The following MDN1 variants were observed in gnomAD, a reference collection of about 807,000 sequenced individuals.
The protein encoded by MDN1 is midasin AAA ATPase 1, also known as midasin.
In MDN1, 266 loss-of-function variants were observed where a neutral mutation model predicts 669.2. The ratio of observed to expected loss-of-function variants is 0.40; its 90% confidence interval spans 0.36 to 0.44. The LOEUF (loss-of-function observed/expected upper bound fraction) is 0.44, where lower values mean the gene tolerates loss of function less well. Ranked by LOEUF, MDN1 falls within the 20% of genes least tolerant of loss-of-function variation. The probability of loss-of-function intolerance (pLI) is 1.00; values close to 1 mark genes in which losing one functional copy is unlikely to be tolerated. For missense variants in MDN1, 5,940 were observed against 6,754.0 expected, an observed-to-expected ratio of 0.88 and a Z score of 4.22; for synonymous variants, 2,385 against 2,457.1, an observed-to-expected ratio of 0.97 and a Z score of 0.87.
At position 89,671,085 on chromosome 6, in the gene MDN1, G is replaced by C. The variant is rs1810719889; in HGVS notation, c.13795-5C>G. 6.2e-7 allele frequency: 1 copy of C among 1,612,962 alleles called. No homozygotes were observed. Among genetic ancestry groups the C allele is most frequent in the African/African-American group, 1.3e-5 (1 of 74,876 alleles). ...GGAACAGGATTGGCTGAAGAACTGA[G>C]ACCAAAACAAAACAAAAGGCCTGCT... On this transcript the variant is annotated splice_polypyrimidine_tract_variant and splice_region_variant and intron_variant, in intron 82 of 101. Transcript: ENST00000369393.
intron 6 of MDN1, 37 bp from the exon 7 acceptor site, chr6:89,789,948 T>C (rs1363604451): frequency 6.2e-7 from 1 of 1,604,224 alleles, no homozygotes; most frequent in Admixed American, 1.7e-5. Context: ...TGAAAAACCA[T>C]ACCTGTAGTG....
chr6:89,666,011 A>T (rs1402178373), intron 84 of MDN1, among the ~76,000 whole-genome samples: 1 of 152,216 alleles, frequency 6.6e-6, no homozygotes, highest in Non-Finnish European at 1.5e-5. Flanking sequence ...ACTGCACTCC[A>T]GCCTTGGGGA....
intron 52 of MDN1, among the ~76,000 whole-genome samples, chr6:89,707,099 C>CA (rs1218970463): frequency 6.6e-6 from 1 of 152,170 alleles, no homozygotes; most frequent in Non-Finnish European, 1.5e-5. Flanking sequence ...TCACTAACAA[C>CA]ATGGGGACCT....
At chr6:89,798,239 C>A (rs926313774) in intron 2 of MDN1, among the ~76,000 whole-genome samples, 2 of 150,530 alleles carry the variant, frequency 1.3e-5, no homozygotes, top group Non-Finnish European at 3.0e-5. Context: ...GTAGGCCAGG[C>A]GCAGTGGCTC....
At chr6:89,706,224 T>G in intron 52 of MDN1, 32 bp from the exon 53 acceptor site, 2 of 1,589,286 alleles carry the variant, frequency 1.3e-6, no homozygotes, top group Non-Finnish European at 1.7e-6. Flanking sequence ...ATGAGAACAT[T>G]TCATCAGATT....
In MDN1 at chr6:89,783,914, G is replaced by A. The variant is rs536765359; in HGVS notation, c.1449+1098C>T. 5.9e-5 allele frequency among the ~76,000 whole-genome samples: 9 copies of A among 151,944 alleles called. 1 individual carries two copies. Among genetic ancestry groups the A allele is most frequent in the South Asian group, 2.1e-4 (1 of 4,806 alleles). On this transcript the variant is annotated intron_variant, in intron 9 of 101. Transcript: ENST00000369393. The stretch of plus-strand genomic sequence containing the variant: ...GGAGAATCGCTTGAATATGGGAGGC[G>A]GAGGTTGCAGCGAGCCAAGATCGTG...
rs377686682 is a variant in MDN1, at chr6:89,695,210, C to T, written c.9771+395G>A. ...TTGTGCCACTGCACTCCTGCCTGGA[C>T]GAGAAAGCAAGGCTCCATCTCAAAA... On this transcript the variant is annotated intron_variant, in intron 61 of 101. Transcript: ENST00000369393. This position sits in a 1 kb window ranked among gnomAD's most constrained non-coding sequence, Gnocchi z 4.1. Among the ~76,000 whole-genome samples the T allele has an allele frequency of 1.6e-4, 24 of 152,198 alleles. No homozygotes were observed. In the South Asian group the frequency reaches 3.9e-3, roughly 25 times the overall value.
Position 89,776,635 on chromosome 6 carries a change from C to G in MDN1, c.1786G>C (p.Val596Leu). 1 of 1,613,262 alleles carries G rather than the reference C, an allele frequency of 6.2e-7. No individual in the cohort carries two copies. Residue 596 changes from valine (V) to leucine (L), a missense_variant, in exon 12 of 102, where the codon GTT becomes CTT. By Grantham distance (32) the Val-to-Leu change is conservative. Coordinates refer to ENST00000369393, the MANE Select transcript of MDN1 (RefSeq NM_014611.3). ...GAAATGTTCAATTTGCTTCCAATAA[C>G]TTCTGCCATTTTCAGTTTGCTTGTA... is the stretch of plus-strand genomic sequence containing the variant. ...EHTSKLKMAE[V>L]IGSKLNISRK...
At position 89,799,648 on chromosome 6, in the gene MDN1, A is replaced by G. The variant is rs548675354; in HGVS notation, c.329+3680T>C. Among the ~76,000 whole-genome samples the G allele has an allele frequency of 5.1e-4, 78 of 152,348 alleles. 1 individual carries two copies. Among genetic ancestry groups the G allele is most frequent in the African/African-American group, 1.8e-3 (75 of 41,586 alleles). On this transcript the variant is annotated intron_variant, in intron 2 of 101. Transcript: ENST00000369393. ...CAGTGAGCCAAGACCACACCATTGC[A>G]TTCCAGCCTGGATAACAAGAACGAA...
chr6:89,727,765 G>T, intron 37 of MDN1, 68 bp downstream of exon 37: 3 of 1,608,836 alleles, frequency 1.9e-6, no homozygotes, highest in Non-Finnish European at 1.7e-6. Context: ...GTGAAATGGA[G>T]CTGTGAAAGG....
chr6:89,712,407 TAATA>T, intron 48 of MDN1, 151 bp from the exon 49 acceptor site: 1 of 978,786 alleles, frequency 1.0e-6, no homozygotes, highest in East Asian at 2.5e-5. Flanking sequence ...AAAACATACC[TAATA>T]AATAATCAAT....
rs774463513 is a variant in MDN1, at chr6:89,695,913, G to A, written c.9463C>T (p.Arg3155Trp). The A allele has an allele frequency of 1.5e-5, 24 of 1,612,792 alleles. No individual in the cohort carries two copies. The highest frequency in any genetic ancestry group is 1.3e-4 in the Admixed American group (8 of 60,014). The change falls in exon 61 of 102, where the codon CGG becomes TGG. Residue 3155 changes from arginine to tryptophan, a missense_variant. Coordinates refer to ENST00000369393, the MANE Select transcript of MDN1 (RefSeq NM_014611.3). This position sits in a 1 kb window ranked among gnomAD's most constrained non-coding sequence, Gnocchi z 4.1. ...TCACAGTTCTGCATGTACTCCTGCC[G>A]CCGGGACTCTGGGAGCAGCTCTGCT... Reference protein sequence around the residue: ...GLAELLPESRRQEYMQNCEQL... With the variant: ...GLAELLPESRWQEYMQNCEQL...
chr6:89,763,175 T>A (rs1398306500), intron 15 of MDN1, among the ~76,000 whole-genome samples: 1 of 152,130 alleles, frequency 6.6e-6, no homozygotes, highest in African/African-American at 2.4e-5. Context: ...CCATATTTCA[T>A]TAAGGTTGAC....
intron 8 of MDN1, among the ~76,000 whole-genome samples, chr6:89,787,169 G>A (rs1230880978): frequency 6.6e-6 from 1 of 151,986 alleles, no homozygotes; most frequent in Non-Finnish European, 1.5e-5. Flanking sequence ...AATGTTAACT[G>A]AGGTAAACAC....
At chr6:89,679,077 G>A (rs1181571843) in intron 74 of MDN1, among the ~76,000 whole-genome samples, 1 of 152,174 alleles carries the variant, frequency 6.6e-6, no homozygotes. Flanking sequence ...CCAACTATGT[G>A]CAGTGCATTA....
In MDN1 at chr6:89,706,133, C is replaced by CA; in HGVS notation, c.8073dup (p.Glu2692Ter). On this transcript the variant is annotated frameshift_variant, in exon 53 of 102. Coordinates refer to ENST00000369393, the MANE Select transcript of MDN1 (RefSeq NM_014611.3). LOFTEE classifies it high-confidence loss of function. ...AGCAGGACTAGTGCATCACAAAGTTCAAAAAAAGCAGCAAGATTGACCACA... is the reference window on the plus strand; with the variant it reads ...AGCAGGACTAGTGCATCACAAAGTTCAAAAAAAAGCAGCAAGATTGACCACA... 6.2e-7 allele frequency: 1 copy of CA among 1,613,018 alleles called. No individual in the cohort carries two copies. Among genetic ancestry groups the CA allele is most frequent in the East Asian group, 2.2e-5 (1 of 44,852 alleles).
rs186599116 is a variant in MDN1, at chr6:89,769,493, C to T, written c.2144+2068G>A. On this transcript the variant is annotated intron_variant, in intron 15 of 101. Transcript: ENST00000369393. ...CTTGAGGCCAGGAGTTCAAAACCAG[C>T]GTAGGCAACAGAGCTAGATCCTGTC... is the stretch of plus-strand genomic sequence containing the variant. Among the ~76,000 whole-genome samples the T allele has an allele frequency of 4.6e-5, 7 of 152,218 alleles. No homozygotes were observed. The East Asian group carries it at 1.4e-3, about 29-fold the overall frequency.
Position 89,794,580 on chromosome 6 carries a change from C to G in MDN1, c.551G>C (p.Arg184Pro), listed in dbSNP as rs1819471813. 1.2e-6 allele frequency: 2 copies of G among 1,612,720 alleles called. No homozygotes were observed. Among genetic ancestry groups the G allele is most frequent in the African/African-American group, 1.3e-5 (1 of 74,884 alleles). The change falls in exon 3 of 102, where the codon CGC becomes CCC. Residue 184 changes from arginine to proline, a missense_variant. By Grantham distance (103) the Arg-to-Pro change is moderately radical. This residue lies in a region of MDN1 where 1,203 missense variants were observed against 1,268.9 expected (regional missense o/e 0.95). Coordinates refer to ENST00000369393, the MANE Select transcript of MDN1 (RefSeq NM_014611.3). ...AAAAAGTCTAACAGCTACGCACCAG[C>G]GAACCAAGGTGTCATGGCTTCTGAG... ...PLLRSHDTLV[R>P]WYTANCLALV... is the part of the protein sequence containing the mutation.
At chr6:89,748,719 TA>T (rs141003255) in intron 26 of MDN1, among the ~76,000 whole-genome samples, 22,047 of 147,378 alleles carry the variant, frequency 0.15, 1,863 homozygotes, top group Non-Finnish European at 0.19. Context: ...GTTGATTGAT[TA>T]AAAAAAAAAA....
Sources: gnomAD v4.1 joint callset for allele counts (sites outside exome capture counted in the v4.1 genomes callset) on GRCh38, gnomAD v4.1.1 for gene constraint, gnomAD v4.1.1 regional missense constraint, Gnocchi (gnomAD v3.1) non-coding constraint, MANE v1.5 for transcripts, NCBI Gene and HGNC (gene_info 2026-07-23, HGNC 2026-07-21) for gene names.